Variants in THSD4 observed in about 807,000 individuals in gnomAD.
THSD4 encodes thrombospondin type 1 domain containing 4, also known as thrombospondin type-1 domain-containing protein 4.
A neutral mutation model predicts 119.0 loss-of-function variants in THSD4; 69 were observed. That is an observed-to-expected ratio of 0.58 (90% CI 0.48 to 0.71). The LOEUF is 0.71. THSD4 is among the 30% of genes least tolerant of loss of function. THSD4 has a pLI of 0.00. For synonymous variants in THSD4, 524 were observed against 540.4 expected (o/e 0.97, Z 0.42); for missense variants, 1,393 against 1,391.1 (o/e 1.00, Z -0.02).
chr15:71,249,681 C>CA (rs200937478), intron 5 of THSD4, among the ~76,000 whole-genome samples: 1 of 151,350 alleles, frequency 6.6e-6, no homozygotes, highest in Non-Finnish European at 1.5e-5. Flanking sequence ...AAAGTACAAA[C>CA]AAAGAGTAAG....
At chr15:71,655,348 GT>G (rs891870838) in intron 7 of THSD4, among the ~76,000 whole-genome samples, 26 of 152,188 alleles carry the variant, frequency 1.7e-4, no homozygotes, top group Admixed American at 5.2e-4. Context: ...GTTTTGTTTT[GT>G]TTTTTGCACT....
At chr15:71,541,784 A>G (rs1265559458) in intron 7 of THSD4, among the ~76,000 whole-genome samples, 1 of 152,198 alleles carries the variant, frequency 6.6e-6, no homozygotes, top group Non-Finnish European at 1.5e-5. Context: ...AACAGGAGCT[A>G]GCTCAGTGAG....
At chr15:71,488,774 G>A (rs1350853161) in intron 7 of THSD4, among the ~76,000 whole-genome samples, 4 of 152,160 alleles carry the variant, frequency 2.6e-5, no homozygotes, top group Admixed American at 1.3e-4. Flanking sequence ...CTTAGTTTGT[G>A]TATTTACTAT....
At chr15:71,615,666 CAA>C (rs760522895) in intron 7 of THSD4, among the ~76,000 whole-genome samples, 3 of 152,108 alleles carry the variant, frequency 2.0e-5, no homozygotes, top group African/African-American at 4.8e-5. Flanking sequence ...CAAAGGGAAA[CAA>C]GAGCTGTTTC....
Position 71,780,158 on chromosome 15 carries a change from C to T in THSD4, c.*2784C>T, listed in dbSNP as rs1054259. On this transcript the variant is annotated 3_prime_UTR_variant, in exon 18 of 18. Coordinates refer to ENST00000261862, the MANE Select transcript of THSD4 (RefSeq NM_024817.3). ...CTTTCTTAGTGCCCATTATTTCCCC[C>T]TCTCCTTTCTTCTGTCACTGCCATC... is the stretch of plus-strand genomic sequence containing the variant. 138,897 of 152,254 alleles carry T rather than the reference C, an allele frequency of 0.91. 63,586 individuals are homozygous for T. The highest frequency in any genetic ancestry group is 0.95 in the Non-Finnish European group (64,658 of 68,138). The allele number at this position is 152,254 out of a possible 1,614,324, so 9.4% of individuals were successfully genotyped here.
At chr15:71,443,952 G>A (rs569810585) in intron 7 of THSD4, among the ~76,000 whole-genome samples, 1 of 152,328 alleles carries the variant, frequency 6.6e-6, no homozygotes, top group South Asian at 2.1e-4. Context: ...CTAAAGCATA[G>A]GTGCTGCTTC....
intron 7 of THSD4, among the ~76,000 whole-genome samples, chr15:71,606,923 T>C (rs924928431): frequency 1.1e-4 from 16 of 152,212 alleles, no homozygotes; most frequent in Non-Finnish European, 1.8e-4. Context: ...AAAGCAGGAC[T>C]GGATGACAGC....
chr15:71,098,059 T>C (rs948284831), intron 1 of THSD4, among the ~76,000 whole-genome samples: 10 of 152,110 alleles, frequency 6.6e-5, no homozygotes, highest in African/African-American at 2.4e-4. Context: ...AAAGAGAAAT[T>C]GTTTCTCCAG....
At chr15:71,165,108 G>A (rs1473306786) in intron 3 of THSD4, 1 of 1,611,260 alleles carries the variant, frequency 6.2e-7, no homozygotes, top group Non-Finnish European at 8.5e-7. Flanking sequence ...GAGCAGAAGA[G>A]GAAGAAGGCC....
chr15:71,733,415 C>T (rs1679026995), intron 10 of THSD4: 1 of 152,166 alleles, frequency 6.6e-6, no homozygotes, highest in African/African-American at 2.4e-5. Flanking sequence ...GGGGAGAGGA[C>T]ATGGGAAGAG....
At chr15:71,250,962 TAAAAC>T (rs753564285) in intron 5 of THSD4, among the ~76,000 whole-genome samples, 38 of 152,242 alleles carry the variant, frequency 2.5e-4, no homozygotes, top group South Asian at 1.5e-3. Flanking sequence ...AAATCTCAGA[TAAAAC>T]AAAACAAAAC....
chr15:71,491,642 G>A (rs1034303283), intron 7 of THSD4, among the ~76,000 whole-genome samples: 9 of 152,156 alleles, frequency 5.9e-5, no homozygotes, highest in Admixed American at 3.9e-4. Context: ...GGGGCCCATT[G>A]GGAGAATTAA....
chr15:71,235,673 C>T (rs1487694651), intron 4 of THSD4, among the ~76,000 whole-genome samples: 2 of 151,270 alleles, frequency 1.3e-5, no homozygotes, highest in African/African-American at 2.4e-5. Flanking sequence ...CTGCCACCTC[C>T]GCCTCCCAGT....
intron 6 of THSD4, among the ~76,000 whole-genome samples, chr15:71,274,529 C>G (rs7170680): frequency 0.27 from 41,738 of 151,946 alleles, 6,621 homozygotes; most frequent in East Asian, 0.53. Context: ...TCCCTCCTCC[C>G]TGATTCCTAT....
intron 10 of THSD4, among the ~76,000 whole-genome samples, chr15:71,736,837 C>G (rs2053122250): frequency 6.6e-6 from 1 of 152,172 alleles, no homozygotes; most frequent in Non-Finnish European, 1.5e-5. Context: ...TGCACAAAAA[C>G]AAAGCAATAA....
At chr15:71,763,422 A>G (rs935205143) in intron 15 of THSD4, among the ~76,000 whole-genome samples, 3 of 152,024 alleles carry the variant, frequency 2.0e-5, no homozygotes, top group African/African-American at 4.8e-5. Flanking sequence ...ATCAAAAAGT[A>G]TTAAGAGGCT....
chr15:71,714,338 A>T (rs905753440), intron 8 of THSD4, among the ~76,000 whole-genome samples: 4 of 152,292 alleles, frequency 2.6e-5, no homozygotes, highest in Non-Finnish European at 4.4e-5. Context: ...TGCCTGACAC[A>T]TAGTAGGTGC....
At chr15:71,344,712 A>G (rs968291101) in intron 6 of THSD4, among the ~76,000 whole-genome samples, 2 of 152,228 alleles carry the variant, frequency 1.3e-5, no homozygotes, top group Non-Finnish European at 1.5e-5. Context: ...CATAATCAGA[A>G]AAAGAAATGT....
chr15:71,298,865 G>A (rs558772981), intron 6 of THSD4, among the ~76,000 whole-genome samples: 192 of 152,286 alleles, frequency 1.3e-3, no homozygotes, highest in Admixed American at 2.5e-3. Flanking sequence ...CACCGGCCTC[G>A]GCCTCCCAAA....
Sources: gnomAD v4.1 joint callset for allele counts (sites outside exome capture counted in the v4.1 genomes callset) on GRCh38, gnomAD v4.1.1 for gene constraint, MANE v1.5 for transcripts, NCBI Gene and HGNC (gene_info 2026-07-23, HGNC 2026-07-21) for gene names.